SPAG16: variants seen among roughly 807,000 people sequenced by gnomAD.
The protein encoded by SPAG16 is sperm associated antigen 16, also known as sperm-associated antigen 16 protein.
Under a neutral mutation model 80.4 loss-of-function variants are expected in SPAG16, and 86 were observed. That is an observed-to-expected ratio of 1.07 (90% CI 0.90 to 1.28). The LOEUF (loss-of-function observed/expected upper bound fraction) is 1.28. SPAG16 is among the 50% of genes most tolerant of loss of function. The probability of loss-of-function intolerance (pLI) is 0.00; values close to 1 mark genes in which losing one functional copy is unlikely to be tolerated. For synonymous variants in SPAG16, 294 were observed against 265.9 expected, an observed-to-expected ratio of 1.11 and a Z score of -1.03; for missense variants, 870 against 765.3, an observed-to-expected ratio of 1.14 and a Z score of -1.61.
chr2:213,790,723 G>A (rs1468776786), intron 10 of SPAG16, among the ~76,000 whole-genome samples: 1 of 151,986 alleles, frequency 6.6e-6, no homozygotes, highest in Non-Finnish European at 1.5e-5. Flanking sequence ...GTGCATGTGT[G>A]TATATGCATA....
At chr2:214,142,369 A>T (rs2055406726) in intron 14 of SPAG16, among the ~76,000 whole-genome samples, 1 of 152,160 alleles carries the variant, frequency 6.6e-6, no homozygotes, top group Non-Finnish European at 1.5e-5. Context: ...TCATAATTTT[A>T]ATCTATACAG....
At chr2:214,280,856 TTG>T (rs1416639350) in intron 15 of SPAG16, 7 of 432,800 alleles carry the variant, frequency 1.6e-5, no homozygotes, top group Non-Finnish European at 4.4e-6. Flanking sequence ...ATTGAGAGGA[TTG>T]TTTCTTGTAA....
intron 13 of SPAG16, among the ~76,000 whole-genome samples, chr2:214,050,371 T>A (rs1439393727): frequency 6.6e-6 from 1 of 152,116 alleles, no homozygotes; most frequent in African/African-American, 2.4e-5. Flanking sequence ...TCAATTAAGC[T>A]GATTCTCTGA....
chr2:213,982,504 T>C (rs980273948), intron 12 of SPAG16, among the ~76,000 whole-genome samples: 5 of 152,078 alleles, frequency 3.3e-5, no homozygotes, highest in Admixed American at 2.6e-4. Context: ...TTGAAGTATT[T>C]TTTAGCTCTG....
chr2:213,991,538 C>A (rs2046280523), intron 12 of SPAG16, among the ~76,000 whole-genome samples: 1 of 152,096 alleles, frequency 6.6e-6, no homozygotes, highest in South Asian at 2.1e-4. Flanking sequence ...ATTTATTCAT[C>A]TGAATCCATG....
chr2:213,665,199 A>G (rs1314613689), intron 10 of SPAG16, among the ~76,000 whole-genome samples: 1 of 152,154 alleles, frequency 6.6e-6, no homozygotes, highest in Admixed American at 6.6e-5. Context: ...AATAATTTAA[A>G]TGAAATTTGA....
chr2:213,731,937 T>G (rs2067063375), intron 10 of SPAG16, among the ~76,000 whole-genome samples: 1 of 152,218 alleles, frequency 6.6e-6, no homozygotes, highest in African/African-American at 2.4e-5. Context: ...CATTTGTCAA[T>G]TTTTGCTTTT....
intron 10 of SPAG16, among the ~76,000 whole-genome samples, chr2:213,610,274 A>G (rs2061399795): frequency 6.6e-6 from 1 of 152,198 alleles, no homozygotes; most frequent in Non-Finnish European, 1.5e-5. Context: ...GTCCTTTTGC[A>G]GGGAGATTTG....
At chr2:213,942,233 A>G (rs2079232254) in intron 12 of SPAG16, among the ~76,000 whole-genome samples, 1 of 152,258 alleles carries the variant, frequency 6.6e-6, no homozygotes, top group South Asian at 2.1e-4. Context: ...ATAGCTATGG[A>G]AAAAAATCAG....
At chr2:213,638,405 G>A (rs1407175398) in intron 10 of SPAG16, among the ~76,000 whole-genome samples, 1 of 151,888 alleles carries the variant, frequency 6.6e-6, no homozygotes, top group African/African-American at 2.4e-5. Context: ...TTCTTAGCAG[G>A]GATTTTGCTG....
chr2:214,179,340 C>T (rs781485595), intron 15 of SPAG16, among the ~76,000 whole-genome samples: 1 of 150,756 alleles, frequency 6.6e-6, no homozygotes, highest in South Asian at 2.1e-4. Context: ...GGCAATATGT[C>T]AGGAATAATT....
intron 15 of SPAG16, among the ~76,000 whole-genome samples, chr2:214,356,112 C>T (rs2126060444): frequency 6.6e-6 from 1 of 151,280 alleles, no homozygotes; most frequent in African/African-American, 2.4e-5. Context: ...ATGAGTGCAG[C>T]ACACCAGCAT....
chr2:213,724,776 C>CAAAAA (rs1159240137), intron 10 of SPAG16, among the ~76,000 whole-genome samples: 44 of 39,528 alleles, frequency 1.1e-3, no homozygotes, highest in Non-Finnish European at 1.3e-3. Flanking sequence ...GACTCTGTCT[C>CAAAAA]AAAAAAAAAA....
chr2:214,172,505 G>A (rs577055878), intron 15 of SPAG16, among the ~76,000 whole-genome samples: 6 of 152,162 alleles, frequency 3.9e-5, no homozygotes, highest in African/African-American at 4.8e-5. Context: ...TATCATTGAC[G>A]GACATTTGGG....
intron 10 of SPAG16, among the ~76,000 whole-genome samples, chr2:213,511,846 T>C (rs2075238321): frequency 6.6e-6 from 1 of 152,130 alleles, no homozygotes; most frequent in Non-Finnish European, 1.5e-5. Context: ...GGGTGGCCAA[T>C]CTACTAAAAA....
intron 13 of SPAG16, among the ~76,000 whole-genome samples, chr2:214,029,172 A>G (rs2048284120): frequency 6.6e-6 from 1 of 152,046 alleles, no homozygotes; most frequent in Non-Finnish European, 1.5e-5. Flanking sequence ...GAGCCTTCCC[A>G]ATATCTGGGG....
chr2:214,135,676 A>T (rs1430575767), intron 14 of SPAG16, among the ~76,000 whole-genome samples: 1 of 151,956 alleles, frequency 6.6e-6, no homozygotes, highest in Non-Finnish European at 1.5e-5. Flanking sequence ...GCTGGTTGTT[A>T]AAAATAACCT....
At chr2:214,244,613 A>G (rs569207560) in intron 15 of SPAG16, among the ~76,000 whole-genome samples, 3 of 152,110 alleles carry the variant, frequency 2.0e-5, no homozygotes, top group Non-Finnish European at 4.4e-5. Flanking sequence ...CTATATTATT[A>G]AAACTTTTTG....
chr2:213,941,264 G>A (rs2079186199), intron 12 of SPAG16, among the ~76,000 whole-genome samples: 1 of 152,084 alleles, frequency 6.6e-6, no homozygotes, highest in East Asian at 1.9e-4. Flanking sequence ...GCTTATACTG[G>A]CTATCCATCC....
Sources: allele counts gnomAD v4.1 joint callset (sites outside exome capture counted in the v4.1 genomes callset), GRCh38; gene constraint gnomAD v4.1.1; transcripts MANE v1.5; gene names NCBI Gene and HGNC (gene_info 2026-07-23, HGNC 2026-07-21).